GUF1: variants seen among roughly 807,000 people sequenced by gnomAD.
GUF1 encodes the protein translation factor GUF1, mitochondrial.
GUF1 carries 78 observed loss-of-function variants against 82.4 expected under a neutral mutation model. The ratio of observed to expected loss-of-function variants is 0.95; its 90% CI spans 0.79 to 1.14. GUF1 has a LOEUF of 1.14. Among genes scored for constraint, GUF1 ranks in the 50% most tolerant of loss-of-function variants. The pLI, the probability that GUF1 is intolerant of heterozygous loss-of-function variation, is 0.00. For synonymous variants in GUF1, 279 were observed against 282.3 expected (o/e 0.99, Z 0.12); for missense variants, 814 against 798.2 (o/e 1.02, Z -0.24).
chr4:44,689,480 G>A, intron 10 of GUF1, 71 bp downstream of exon 10: 1 of 1,422,712 alleles, frequency 7.0e-7, no homozygotes, highest in Non-Finnish European at 9.3e-7. Context: ...TATTTTTATA[G>A]GAAAGGGAGG....
rs767954729 is a variant in GUF1, at chr4:44,680,526, T to A, written c.251T>A (p.Leu84Ter). 1 of 1,607,880 alleles carries A rather than the reference T, an allele frequency of 6.2e-7. No individual in the cohort carries two copies. The change falls in exon 2 of 17, where the codon TTA becomes TAA. Residue 84 changes from leucine to a stop codon, truncating the protein, a stop_gained. Transcript: ENST00000281543. LOFTEE classifies it high-confidence loss of function. ...VAHVDHGKST[L>*]ADRLLELTGT... ...CACGTGGATCATGGCAAAAGTACTT[T>A]AGCTGACAGGCTCCTAGAACTTACA... is the stretch of plus-strand genomic sequence containing the variant.
At chr4:44,679,478 C>A (rs961113908) in intron 1 of GUF1, among the ~76,000 whole-genome samples, 5 of 152,104 alleles carry the variant, frequency 3.3e-5, no homozygotes, top group African/African-American at 1.2e-4. Flanking sequence ...AAAGACAAAA[C>A]CTTAAATTAA....
Position 44,680,704 on chromosome 4 carries a change from TAAAAC to T in GUF1, c.292_296del (p.Thr98GlufsTer2), listed in dbSNP as rs1198541842. 4.4e-6 allele frequency: 7 copies of T among 1,595,606 alleles called. No homozygotes were observed. Among genetic ancestry groups the T allele is most frequent in the South Asian group, 2.2e-5 (2 of 89,128 alleles). ...TGTTTCTGTTTATAGGGACAATTGATAAAACAAAGAATAATAAGCAGGTTCTTGAT... is the reference window on the plus strand; with the variant it reads ...TGTTTCTGTTTATAGGGACAATTGATAAAGAATAATAAGCAGGTTCTTGAT... On this transcript the variant is annotated frameshift_variant, in exon 3 of 17. Coordinates refer to ENST00000281543, the MANE Select transcript of GUF1 (RefSeq NM_021927.3). LOFTEE classifies it high-confidence loss of function.
intron 4 of GUF1, among the ~76,000 whole-genome samples, chr4:44,681,710 A>G (rs1207039440): frequency 6.6e-6 from 1 of 152,140 alleles, no homozygotes. Context: ...AACTTTTGTT[A>G]CATGTTTCTC....
intron 8 of GUF1, among the ~76,000 whole-genome samples, chr4:44,686,960 T>C (rs947267006): frequency 1.3e-5 from 2 of 151,982 alleles, no homozygotes; most frequent in African/African-American, 4.8e-5. Context: ...GATTGGATCC[T>C]ATATCGATGT....
chr4:44,683,533 G>A (rs1328979940), intron 6 of GUF1, among the ~76,000 whole-genome samples: 15 of 152,048 alleles, frequency 9.9e-5, no homozygotes. Context: ...TAAAGGAACT[G>A]AGGCTCAAAG....
intron 2 of GUF1, 60 bp from the exon 3 acceptor site, chr4:44,680,634 G>A (rs1205346044): frequency 7.0e-7 from 1 of 1,436,118 alleles, no homozygotes; most frequent in Non-Finnish European, 9.4e-7. Flanking sequence ...AATTTTATAA[G>A]TAATATTCTC....
At chr4:44,689,548 C>A (rs1335256111) in intron 10 of GUF1, 139 bp downstream of exon 10, 2 of 1,012,600 alleles carry the variant, frequency 2.0e-6, no homozygotes, top group African/African-American at 1.7e-5. Flanking sequence ...TGTTCTGGAA[C>A]ATTTACTGAA....
chr4:44,697,750 T>C (rs1444317809), intron 16 of GUF1, among the ~76,000 whole-genome samples: 2 of 152,200 alleles, frequency 1.3e-5, no homozygotes. Context: ...TTTCTTGATC[T>C]AACATATAAT....
At chr4:44,682,626 G>A (rs1714834455) in intron 5 of GUF1, 1 of 300,332 alleles carries the variant, frequency 3.3e-6, no homozygotes, top group African/African-American at 2.2e-5. Context: ...TTAACTTGTG[G>A]TAGCTGAGGG....
chr4:44,696,939 G>A (rs980560922), intron 15 of GUF1, among the ~76,000 whole-genome samples: 1 of 152,190 alleles, frequency 6.6e-6, no homozygotes, highest in South Asian at 2.1e-4. Flanking sequence ...TGTAGAAATA[G>A]ATTAGTTTAT....
At chr4:44,687,746 G>A (rs1334382572) in intron 8 of GUF1, among the ~76,000 whole-genome samples, 1 of 151,862 alleles carries the variant, frequency 6.6e-6, no homozygotes. Context: ...TTTAGAAACT[G>A]CTGTTTAAAT....
Position 44,686,659 on chromosome 4 carries a change from A to G in GUF1, c.884A>G (p.Tyr295Cys). The G allele has an allele frequency of 6.2e-7, 1 of 1,611,856 alleles. No individual in the cohort carries two copies. Among genetic ancestry groups the G allele is most frequent in the Non-Finnish European group, 8.5e-7 (1 of 1,178,332 alleles). ...KIVSAHTQKT[Y>C]EVNEVGVLNP... ...GTATCTGCACATACTCAAAAGACATACGAAGTTAATGAAGTAGGAGTCTTG... is the reference window on the plus strand; with the variant it reads ...GTATCTGCACATACTCAAAAGACATGCGAAGTTAATGAAGTAGGAGTCTTG... Residue 295 changes from tyrosine to cysteine, a missense_variant, in exon 8 of 17, where the codon TAC becomes TGC. Tyr to Cys is a radical substitution (Grantham distance 194). Transcript: ENST00000281543.
Position 44,686,026 on chromosome 4 carries a change from G to A in GUF1, c.734+3G>A. On this transcript the variant is annotated splice_donor_region_variant and intron_variant, in intron 7 of 16. Coordinates refer to ENST00000281543, the MANE Select transcript of GUF1 (RefSeq NM_021927.3). ...GCAATTATTGAAAGAATCCCCCCGT[G>A]AGTATTTGGTGATTTTTGTACTAGT... 6.3e-7 allele frequency: 1 copy of A among 1,594,536 alleles called. No individual in the cohort carries two copies. Among genetic ancestry groups the A allele is most frequent in the Non-Finnish European group, 8.6e-7 (1 of 1,163,660 alleles).
intron 6 of GUF1, among the ~76,000 whole-genome samples, chr4:44,684,468 G>A (rs563623973): frequency 3.5e-4 from 54 of 152,198 alleles, no homozygotes; most frequent in Admixed American, 1.4e-3. Flanking sequence ...GACTCGTGCT[G>A]TGCTGAAGAG....
chr4:44,684,244 TAGAG>T (rs777549994), intron 6 of GUF1, among the ~76,000 whole-genome samples: 12 of 152,236 alleles, frequency 7.9e-5, no homozygotes, highest in East Asian at 7.7e-4. Context: ...TCTTTTTTCT[TAGAG>T]AGACGTTATG....
chr4:44,680,393 A>G (rs1714693172), intron 1 of GUF1, 48 bp from the exon 2 acceptor site: 2 of 793,184 alleles, frequency 2.5e-6, no homozygotes, highest in Non-Finnish European at 4.2e-6. Flanking sequence ...TACTTGTTTG[A>G]TAGTATGCCA....
chr4:44,682,198 A>G, intron 4 of GUF1, 136 bp from the exon 5 acceptor site: 1 of 450,392 alleles, frequency 2.2e-6, no homozygotes, highest in Non-Finnish European at 4.1e-6. Flanking sequence ...GGGTAGCTAC[A>G]TGGCATTTTG....
intron 8 of GUF1, 96 bp from the exon 9 acceptor site, chr4:44,687,911 A>G: frequency 9.4e-7 from 1 of 1,067,420 alleles, no homozygotes; most frequent in South Asian, 1.6e-5. Flanking sequence ...AAGTTTGGAA[A>G]GTGTATGATA....
Sources: allele counts gnomAD v4.1 joint callset (sites outside exome capture counted in the v4.1 genomes callset), GRCh38; gene constraint gnomAD v4.1.1; transcripts MANE v1.5; gene names NCBI Gene and HGNC (gene_info 2026-07-23, HGNC 2026-07-21).